The following FNDC3B variants were observed in gnomAD, a reference collection of about 807,000 sequenced individuals.
The protein encoded by FNDC3B is fibronectin type III domain-containing protein 3B.
A neutral mutation model predicts 151.5 loss-of-function variants in FNDC3B; 12 were observed. The ratio of observed to expected loss-of-function variants is 0.08; its 90% CI spans 0.05 to 0.13. The LOEUF is 0.13. Ranked by LOEUF, FNDC3B falls within the 10% of genes least tolerant of loss-of-function variation. The pLI, the probability that FNDC3B is intolerant of heterozygous loss-of-function variation, is 1.00. For synonymous variants in FNDC3B, 528 were observed against 549.0 expected (o/e 0.96, Z 0.54); for missense variants, 1,214 against 1,505.3 (o/e 0.81, Z 3.20).
At chr3:172,318,980 C>T (rs1731950627) in intron 11 of FNDC3B, among the ~76,000 whole-genome samples, 1 of 151,336 alleles carries the variant, frequency 6.6e-6, no homozygotes, top group South Asian at 2.1e-4. Context: ...TAAAAGGAGC[C>T]CCCTCTTTTA....
intron 3 of FNDC3B, chr3:172,225,365 A>G (rs1224781926): frequency 4.5e-5 from 8 of 178,968 alleles, no homozygotes; most frequent in Non-Finnish European, 8.5e-5. Context: ...TAGAGATGGG[A>G]TCTCGCTATG....
intron 2 of FNDC3B, among the ~76,000 whole-genome samples, chr3:172,114,761 C>A (rs1277143406): frequency 2.6e-5 from 4 of 152,048 alleles, no homozygotes; most frequent in Non-Finnish European, 5.9e-5. Flanking sequence ...TTTATTAAAT[C>A]TTTTTTTAAT....
At chr3:172,045,790 C>CTA (rs1273873661) in intron 1 of FNDC3B, among the ~76,000 whole-genome samples, 159 of 138,052 alleles carry the variant, frequency 1.2e-3, no homozygotes, top group Middle Eastern at 3.8e-3. Context: ...CTCTCTCTCT[C>CTA]TCTCTATATA....
intron 3 of FNDC3B, among the ~76,000 whole-genome samples, chr3:172,178,838 A>C (rs927241074): frequency 6.6e-6 from 1 of 152,344 alleles, no homozygotes; most frequent in Admixed American, 6.5e-5. Flanking sequence ...TGAGAGCTTC[A>C]GGGTCTTTTT....
intron 1 of FNDC3B, among the ~76,000 whole-genome samples, chr3:172,099,730 C>A (rs969210581): frequency 4.6e-5 from 7 of 152,146 alleles, no homozygotes; most frequent in African/African-American, 1.7e-4. Context: ...GGCATAAAGT[C>A]CTGGAGAGAG....
At chr3:172,103,667 T>G (rs887467043) in intron 1 of FNDC3B, among the ~76,000 whole-genome samples, 7 of 152,274 alleles carry the variant, frequency 4.6e-5, no homozygotes, top group South Asian at 4.1e-4. Context: ...AGTGGTGGTG[T>G]TTTTAATCTA....
intron 3 of FNDC3B, among the ~76,000 whole-genome samples, chr3:172,204,877 A>C (rs1015929674): frequency 6.6e-6 from 1 of 152,312 alleles, no homozygotes; most frequent in East Asian, 1.9e-4. Context: ...CATTGCTGAT[A>C]ATGAAACTCA....
At chr3:172,189,465 T>C (rs1724386996) in intron 3 of FNDC3B, among the ~76,000 whole-genome samples, 1 of 152,218 alleles carries the variant, frequency 6.6e-6, no homozygotes, top group Admixed American at 6.5e-5. Flanking sequence ...TTTTGGAGTA[T>C]GAAAGTAGTG....
intron 14 of FNDC3B, among the ~76,000 whole-genome samples, chr3:172,334,163 G>C (rs1056718637): frequency 2.0e-5 from 3 of 152,156 alleles, no homozygotes; most frequent in African/African-American, 7.2e-5. Flanking sequence ...AAATTATCAA[G>C]TGCAGTGTGT....
chr3:172,363,276 G>A (rs999177080), intron 23 of FNDC3B, among the ~76,000 whole-genome samples: 33 of 152,174 alleles, frequency 2.2e-4, no homozygotes, highest in African/African-American at 8.0e-4. Context: ...TGTGGGTGAT[G>A]TACAGATGGG....
At chr3:172,198,742 G>T (rs1724979868) in intron 3 of FNDC3B, among the ~76,000 whole-genome samples, 1 of 152,104 alleles carries the variant, frequency 6.6e-6, no homozygotes, top group Non-Finnish European at 1.5e-5. Flanking sequence ...TCCCACTCCT[G>T]ACTCCCCATA....
At chr3:172,381,675 A>G (rs1176528091) in intron 25 of FNDC3B, among the ~76,000 whole-genome samples, 7 of 146,132 alleles carry the variant, frequency 4.8e-5, no homozygotes, top group Non-Finnish European at 8.9e-5. Context: ...CTGTGCCCAT[A>G]TGTTCTCATT....
chr3:172,294,381 C>A (rs895837740), intron 7 of FNDC3B, among the ~76,000 whole-genome samples: 1 of 152,158 alleles, frequency 6.6e-6, no homozygotes, highest in Non-Finnish European at 1.5e-5. Context: ...GACTTACAAT[C>A]ATGGTGGAAG....
Position 172,347,336 on chromosome 3 carries a change from C to A in FNDC3B, c.2489C>A (p.Ala830Asp), listed in dbSNP as rs774502997. 1.2e-6 allele frequency: 2 copies of A among 1,613,950 alleles called. No individual in the cohort carries two copies. The highest frequency in any genetic ancestry group is 1.6e-4 in the Middle Eastern group (1 of 6,062). ...TRFEIRDLLP[A>D]AQYCCRLQAF... ...TTTGAAATAAGAGACCTGTTGCCTG[C>A]TGCACAGTATTGCTGTAGACTACAG... The change falls in exon 21 of 26, where the codon GCT (alanine) becomes GAT (aspartate). Residue 830 changes from alanine (A) to aspartate (D), a missense_variant. Ala to Asp is a moderately radical substitution (Grantham distance 126, BLOSUM62 -2). Coordinates refer to ENST00000415807, the MANE Select transcript of FNDC3B (RefSeq NM_022763.4).
chr3:172,155,028 G>C (rs1722416485), intron 3 of FNDC3B, among the ~76,000 whole-genome samples: 1 of 152,114 alleles, frequency 6.6e-6, no homozygotes, highest in African/African-American at 2.4e-5. Flanking sequence ...GGGGGCGGCA[G>C]TAGGATTGGA....
At chr3:172,089,724 G>A (rs1353894) in intron 1 of FNDC3B, among the ~76,000 whole-genome samples, 81,130 of 151,934 alleles carry the variant, frequency 0.53, 22,100 homozygotes, top group Admixed American at 0.61. Flanking sequence ...AAGGCATGGA[G>A]GTTTGAAAAT....
intron 6 of FNDC3B, among the ~76,000 whole-genome samples, chr3:172,272,466 T>A (rs1346016700): frequency 1.3e-5 from 2 of 152,134 alleles, no homozygotes; most frequent in Admixed American, 6.5e-5. Context: ...ACCAGAGATA[T>A]CTGAGAGCTG....
chr3:172,393,140 C>T lies in FNDC3B; in HGVS notation c.3304-4024C>T, dbSNP rs374104285. Among the ~76,000 whole-genome samples the T allele has an allele frequency of 9.9e-4, 150 of 152,042 alleles. 2 individuals carry two copies. In the South Asian group the frequency reaches 0.03, roughly 31 times the overall value. ...TTAAGACCCAACAGTATGCTGCCTACAAGAGTCACCTCACTTTTAAGGACA... is the reference window on the plus strand; with the variant it reads ...TTAAGACCCAACAGTATGCTGCCTATAAGAGTCACCTCACTTTTAAGGACA... On this transcript the variant is annotated intron_variant, in intron 25 of 25. Coordinates refer to ENST00000415807, the MANE Select transcript of FNDC3B (RefSeq NM_022763.4).
intron 6 of FNDC3B, among the ~76,000 whole-genome samples, chr3:172,269,693 G>A (rs1404976150): frequency 6.6e-6 from 1 of 152,090 alleles, no homozygotes; most frequent in Non-Finnish European, 1.5e-5. Context: ...CGCCCAGGCT[G>A]GAGTGCAGTG....
Sources: allele counts gnomAD v4.1 joint callset (sites outside exome capture counted in the v4.1 genomes callset), GRCh38; gene constraint gnomAD v4.1.1; transcripts MANE v1.5; gene names NCBI Gene and HGNC (gene_info 2026-07-23, HGNC 2026-07-21).